Variants in MRC1 observed in about 807,000 individuals in gnomAD.
The protein encoded by MRC1 is macrophage mannose receptor 1.
A neutral mutation model predicts 102.9 loss-of-function variants in MRC1; 62 were observed. The observed-to-expected ratio is 0.60, with a 90% CI of 0.49 to 0.74. The LOEUF (loss-of-function observed/expected upper bound fraction) is 0.74, where lower values mean the gene tolerates loss of function less well. Ranked by LOEUF, MRC1 falls within the 30% of genes least tolerant of loss-of-function variation. The probability of loss-of-function intolerance (pLI) is 0.00; values close to 1 mark genes in which losing one functional copy is unlikely to be tolerated. For missense variants in MRC1, 1,237 were observed against 862.8 expected, an observed-to-expected ratio of 1.43 and a Z score of -5.43; for synonymous variants, 457 against 298.4, an observed-to-expected ratio of 1.53 and a Z score of -5.48.
chr10:17,835,021 G>T (rs1023983491), intron 4 of MRC1, among the ~76,000 whole-genome samples: 96 of 152,158 alleles, frequency 6.3e-4, no homozygotes, highest in African/African-American at 2.3e-3. Context: ...AATACATTTT[G>T]CCTGACATTC....
intron 12 of MRC1, among the ~76,000 whole-genome samples, chr10:17,868,732 C>T (rs1052215231): frequency 3.3e-5 from 5 of 152,184 alleles, no homozygotes; most frequent in African/African-American, 4.8e-5. Context: ...GCAGTCTCTT[C>T]TAACTCAAGA....
At chr10:17,826,635 A>G (rs917877392) in intron 2 of MRC1, among the ~76,000 whole-genome samples, 1 of 152,246 alleles carries the variant, frequency 6.6e-6, no homozygotes. Flanking sequence ...CTTTAAACAT[A>G]CTGGACAATG....
At chr10:17,866,342 T>C (rs1479054101) in intron 11 of MRC1, among the ~76,000 whole-genome samples, 1 of 136,740 alleles carries the variant, frequency 7.3e-6, no homozygotes, top group African/African-American at 2.5e-5. Flanking sequence ...ATTTTTGCCA[T>C]TATGGTGAAT....
intron 22 of MRC1, among the ~76,000 whole-genome samples, chr10:17,887,540 T>C (rs1833616585): frequency 6.6e-6 from 1 of 152,202 alleles, no homozygotes; most frequent in African/African-American, 2.4e-5. Context: ...GAGATAGCAT[T>C]AGCTTAGATT....
chr10:17,879,561 C>T (rs1833484384), intron 18 of MRC1, among the ~76,000 whole-genome samples, 160 bp from the exon 19 acceptor site: 1 of 152,084 alleles, frequency 6.6e-6, no homozygotes, highest in Non-Finnish European at 1.5e-5. Flanking sequence ...TGGAGTTTCC[C>T]CATGTTGGTC....
intron 17 of MRC1, among the ~76,000 whole-genome samples, chr10:17,876,164 G>A (rs1331178711): frequency 6.6e-6 from 1 of 152,004 alleles, no homozygotes; most frequent in Non-Finnish European, 1.5e-5. Context: ...GTAAAGATGG[G>A]AATGCAGGAG....
At chr10:17,862,057 A>G (rs1833192377) in intron 10 of MRC1, among the ~76,000 whole-genome samples, 2 of 152,170 alleles carry the variant, frequency 1.3e-5, no homozygotes, top group Admixed American at 6.5e-5. Flanking sequence ...CACCTACTCT[A>G]TGCAAAGCTC....
At chr10:17,885,129 G>A (rs1833574046) in intron 21 of MRC1, 140 bp from the exon 22 acceptor site, 3 of 701,254 alleles carry the variant, frequency 4.3e-6, no homozygotes, top group Non-Finnish European at 7.8e-6. Context: ...GAATGTTTGT[G>A]TGTTCATGGT....
chr10:17,909,491 A>G lies in MRC1; in HGVS notation c.4120+144A>G, dbSNP rs1163424602. 1.1e-5 allele frequency: 7 copies of G among 655,374 alleles called. No homozygotes were observed. In the Admixed American group the frequency reaches 1.1e-4, roughly 10 times the overall value. The allele number at this position is 655,374 out of a possible 1,614,324, so 40.6% of individuals were successfully genotyped here. ...CTAAACTATCCTTTGTCATCAGCCT[A>G]CTTTGAATAATACTTTAGAAAAAGA... is the stretch of plus-strand genomic sequence containing the variant. On this transcript the variant is annotated intron_variant, in intron 29 of 29. Transcript: ENST00000569591.
intron 1 of MRC1, among the ~76,000 whole-genome samples, chr10:17,810,534 T>C (rs1406355435): frequency 6.6e-6 from 1 of 152,202 alleles, no homozygotes; most frequent in African/African-American, 2.4e-5. Context: ...ATGGTTTACA[T>C]CCTGTCTCTC....
At chr10:17,906,009 T>G (rs1833889863) in intron 26 of MRC1, among the ~76,000 whole-genome samples, 1 of 152,238 alleles carries the variant, frequency 6.6e-6, no homozygotes, top group South Asian at 2.1e-4. Flanking sequence ...ACTCTAAAAT[T>G]TAATGTTGAC....
At position 17,833,730 on chromosome 10, in the gene MRC1, G is replaced by C; in HGVS notation, c.693G>C (p.Gln231His). 5.1e-6 allele frequency: 4 copies of C among 781,074 alleles called. No individual in the cohort carries two copies. Among genetic ancestry groups the C allele is most frequent in the Non-Finnish European group, 9.6e-6 (4 of 418,138 alleles). The allele number at this position is 781,074 out of a possible 1,614,324, so 48.4% of individuals were successfully genotyped here. The change falls in exon 4 of 30, where the codon CAG becomes CAC. Residue 231 changes from glutamine to histidine, a missense_variant. Gln to His is a conservative substitution (Grantham distance 24). Transcript: ENST00000569591. ...NKDPLTSVSY[Q>H]INSKSALTWH... ...ACCCGCTGACCAGCGTTTCCTACCA[G>C]ATAAACTCCAAATCCGCTTTAACGT...
chr10:17,837,652 A>G (rs1589170731), intron 4 of MRC1, among the ~76,000 whole-genome samples: 1 of 151,660 alleles, frequency 6.6e-6, no homozygotes, highest in East Asian at 1.9e-4. Context: ...TTTTTGAGAC[A>G]AAGTCTCACT....
rs1833510122 is a variant in MRC1, at chr10:17,881,167, A to G, written c.2966A>G (p.Asn989Ser). Reference sequence around the variant, plus strand: ...GGAGGGAATCTGGTCTCCATACAAAATGAAAAAGAGCAAGGTAGGCAGGCC... The same window carrying G: ...GGAGGGAATCTGGTCTCCATACAAAGTGAAAAAGAGCAAGGTAGGCAGGCC... ...GFGGNLVSIQ[N>S]EKEQAFLTYH... The change falls in exon 21 of 30, where the codon AAT (asparagine) becomes AGT (serine). Residue 989 changes from asparagine to serine, a missense_variant. Physicochemically the swap from Asn to Ser is conservative, Grantham distance 46. Coordinates refer to ENST00000569591, the MANE Select transcript of MRC1 (RefSeq NM_002438.4). 3 of 780,598 alleles carry G rather than the reference A, an allele frequency of 3.8e-6. No homozygotes were observed. The Admixed American group carries it at 5.1e-5, about 13-fold the overall frequency. 48.4% of individuals were successfully genotyped at this position (780,598 alleles called of 1,614,324 possible).
chr10:17,878,095 C>T (rs1033966353), intron 18 of MRC1, 128 bp downstream of exon 18: 366 of 644,084 alleles, frequency 5.7e-4, no homozygotes, highest in Non-Finnish European at 9.5e-4. Flanking sequence ...ATTGAAAAAG[C>T]AACTTGAAAA....
rs1303232562 is a variant in MRC1 at position 17,899,108 on chromosome 10, C to CAA, written c.3483+852_3483+853dup. On this transcript the variant is annotated intron_variant, in intron 24 of 29. Coordinates refer to ENST00000569591, the MANE Select transcript of MRC1 (RefSeq NM_002438.4). Reference sequence around the variant, plus strand: ...ACATAAGGAAGGAATATCAAGAAGACAAAAAAAAAAAGGAGATAAACTGGA... The same window carrying CAA: ...ACATAAGGAAGGAATATCAAGAAGACAAAAAAAAAAAAAGGAGATAAACTGGA... Among the ~76,000 whole-genome samples the CAA allele has an allele frequency of 5.1e-4, 72 of 141,564 alleles. No homozygotes were observed. In the East Asian group the frequency reaches 7.5e-3, roughly 15 times the overall value. The allele number at this position is 141,564 out of a possible 152,430, so 92.9% of individuals were successfully genotyped here.
At chr10:17,820,762 A>G (rs527926586) in intron 1 of MRC1, among the ~76,000 whole-genome samples, 3,055 of 152,292 alleles carry the variant, frequency 0.02, 103 homozygotes, top group African/African-American at 0.07. Flanking sequence ...GAGTTTACAT[A>G]TATCTATGGC....
At chr10:17,819,065 C>T (rs1838354663) in intron 1 of MRC1, among the ~76,000 whole-genome samples, 1 of 151,958 alleles carries the variant, frequency 6.6e-6, no homozygotes, top group Admixed American at 6.6e-5. Context: ...AGTTAGAAAC[C>T]CAGTCTCCTT....
At chr10:17,895,240 A>G (rs1471305578) in intron 23 of MRC1, among the ~76,000 whole-genome samples, 1 of 152,094 alleles carries the variant, frequency 6.6e-6, no homozygotes, top group Non-Finnish European at 1.5e-5. Flanking sequence ...AAACAAAAAT[A>G]AAATAAAATA....
Sources: allele counts gnomAD v4.1 joint callset (sites outside exome capture counted in the v4.1 genomes callset), GRCh38; gene constraint gnomAD v4.1.1; transcripts MANE v1.5; gene names NCBI Gene and HGNC (gene_info 2026-07-23, HGNC 2026-07-21).